Variants in MCF2 observed in about 807,000 individuals in gnomAD.
The protein encoded by MCF2 is proto-oncogene DBL.
A neutral mutation model predicts 82.5 loss-of-function variants in MCF2; 44 were observed. The ratio of observed to expected loss-of-function variants is 0.53; its 90% confidence interval spans 0.42 to 0.69. The LOEUF is 0.69. Among genes scored for constraint, MCF2 ranks in the 30% least tolerant of loss-of-function variants. MCF2 has a pLI of 0.00. For missense variants in MCF2, 623 were observed against 663.1 expected, an observed-to-expected ratio of 0.94 and a Z score of 0.66; for synonymous variants, 217 against 224.9, an observed-to-expected ratio of 0.96 and a Z score of 0.32.
intron 8 of MCF2, among the ~76,000 whole-genome samples, chrX:139,617,189 A>C (rs1239857163): frequency 1.8e-5 from 2 of 111,651 alleles, no homozygotes; most frequent in African/African-American, 6.5e-5. Context: ...AACCATCACC[A>C]GTGAAGGCTT....
chrX:139,588,929 C>CA (rs755726039), intron 20 of MCF2, among the ~76,000 whole-genome samples: 1,790 of 96,272 alleles, frequency 0.019, 34 homozygotes, highest in African/African-American at 0.061. Context: ...GACGCTGTCT[C>CA]AAAAAAAAAA....
exon 24 of MCF2, chrX:139,585,128 A>G: frequency 8.3e-7 from 1 of 1,206,948 alleles, no homozygotes; most frequent in Non-Finnish European, 1.1e-6. Flanking sequence ...TTGCTTGACC[A>G]TTCCGCAGGT....
At chrX:139,684,912 T>C (rs1217002657) in intron 1 of MCF2, among the ~76,000 whole-genome samples, 1 of 111,811 alleles carries the variant, frequency 8.9e-6, no homozygotes, top group African/African-American at 3.3e-5. Flanking sequence ...GTGGTAAAGG[T>C]TGCACAACTC....
intron 1 of MCF2, chrX:139,702,489 A>T (rs1240705823): frequency 8.9e-6 from 1 of 112,400 alleles, no homozygotes; most frequent in East Asian, 2.8e-4. Context: ...TGATAAATGG[A>T]AAAAAAATCT....
intron 2 of MCF2, among the ~76,000 whole-genome samples, chrX:139,648,553 C>G (rs1933885715): frequency 1.8e-5 from 2 of 111,685 alleles, no homozygotes; most frequent in African/African-American, 6.5e-5. Flanking sequence ...AGATTTAAAT[C>G]CATCCATATG....
upstream of MCF2, chrX:139,645,472 G>T: frequency 6.7e-6 from 3 of 446,212 alleles, no homozygotes; most frequent in East Asian, 4.0e-5. Context: ...AATTTTTATT[G>T]TCTCCGTCAG....
intron 6 of MCF2, among the ~76,000 whole-genome samples, chrX:139,621,449 T>TCTGAC (rs1330061773): frequency 9.0e-6 from 1 of 111,410 alleles, no homozygotes; most frequent in African/African-American, 3.3e-5. Context: ...AAACTATGCA[T>TCTGAC]CTGACAAAAA....
Position 139,602,262 on chromosome X carries a change from T to C in MCF2, c.1836+144A>G, listed in dbSNP as rs1161012486. The C allele has an allele frequency of 8.4e-6, 4 of 478,204 alleles. No individual in the cohort carries two copies. The East Asian group carries it at 1.5e-4, about 18-fold the overall frequency. The allele number at this position is 478,204 out of a possible 1,213,427, so 39.4% of individuals were successfully genotyped here. On this transcript the variant is annotated intron_variant, in intron 16 of 24. Transcript: ENST00000370576. ...GAAGTTACAAATGTGTTTGTGTGTG[T>C]TGGGGGGGAGGGTGGATTTGCTCTT...
chrX:139,624,482 G>A (rs946507621), intron 6 of MCF2, among the ~76,000 whole-genome samples: 5 of 106,543 alleles, frequency 4.7e-5, no homozygotes, highest in Admixed American at 3.1e-4. Context: ...TGAGGCTACA[G>A]TAGCTATGAT....
At chrX:139,648,834 C>T (rs1004638723) in intron 2 of MCF2, among the ~76,000 whole-genome samples, 2 of 111,889 alleles carry the variant, frequency 1.8e-5, no homozygotes, top group South Asian at 3.7e-4. Flanking sequence ...ATAAAGTGGT[C>T]GATTCATCAA....
chrX:139,626,972 T>C (rs377578237), intron 4 of MCF2, among the ~76,000 whole-genome samples: 3 of 112,461 alleles, frequency 2.7e-5, no homozygotes, highest in African/African-American at 9.7e-5. Flanking sequence ...GCCTTAGAGA[T>C]GGACGTTGCA....
intron 1 of MCF2, among the ~76,000 whole-genome samples, chrX:139,692,334 G>C (rs974065763): frequency 7.2e-5 from 8 of 111,238 alleles, no homozygotes; most frequent in Admixed American, 3.7e-4. Flanking sequence ...CAGTCCTCCG[G>C]AGCCCCCCTA....
intron 1 of MCF2, among the ~76,000 whole-genome samples, chrX:139,676,043 C>CCAGG (rs1299761862): frequency 1.8e-5 from 2 of 112,681 alleles, no homozygotes; most frequent in Non-Finnish European, 3.8e-5. Flanking sequence ...GACCCCCTCC[C>CCAGG]CCTGCTAGGC....
intron 1 of MCF2, among the ~76,000 whole-genome samples, chrX:139,654,639 T>G (rs1380359096): frequency 8.9e-6 from 1 of 112,075 alleles, no homozygotes; most frequent in African/African-American, 3.2e-5. Context: ...CAGAAGCTTT[T>G]TAGCTTGATG....
intron 8 of MCF2, 32 bp from the exon 12 acceptor site, chrX:139,616,505 ATATG>A: frequency 1.2e-6 from 1 of 832,069 alleles, no homozygotes; most frequent in Non-Finnish European, 1.6e-6. Context: ...AAAAAAAAAA[ATATG>A]AATTAATAAA....
At chrX:139,627,905 T>C (rs1932800591) in intron 4 of MCF2, among the ~76,000 whole-genome samples, 1 of 111,765 alleles carries the variant, frequency 8.9e-6, no homozygotes, top group Non-Finnish European at 1.9e-5. Flanking sequence ...GTCAGTTTCT[T>C]GCAAATCAAA....
At chrX:139,604,717 A>G (rs778045691) in exon 15 of MCF2, 1 of 1,199,696 alleles carries the variant, frequency 8.3e-7, no homozygotes, top group South Asian at 1.9e-5. Flanking sequence ...TTTCTGGAGC[A>G]TGAGCACAAT....
chrX:139,607,656 G>A (rs764783412), intron 12 of MCF2, 35 bp downstream of exon 16: 2 of 969,334 alleles, frequency 2.1e-6, no homozygotes, highest in East Asian at 3.1e-5. Context: ...ACAGTTAGAT[G>A]TGTATGTGAG....
intron 16 of MCF2, among the ~76,000 whole-genome samples, chrX:139,599,404 A>T (rs1189008617): frequency 9.1e-6 from 1 of 109,997 alleles, no homozygotes; most frequent in Non-Finnish European, 1.9e-5. Flanking sequence ...CAAGGGGAAA[A>T]CTTCCGCAAA....
Sources: gnomAD v4.1 joint callset for allele counts (sites outside exome capture counted in the v4.1 genomes callset) on GRCh38, gnomAD v4.1.1 for gene constraint, MANE v1.5 for transcripts, NCBI Gene and HGNC (gene_info 2026-07-23, HGNC 2026-07-21) for gene names.